The following PALM2AKAP2 variants were observed in gnomAD, a reference collection of about 807,000 sequenced individuals.
PALM2AKAP2 encodes PALM2-AKAP2 fusion protein.
Under a neutral mutation model 71.5 loss-of-function variants are expected in PALM2AKAP2, and 37 were observed. The ratio of observed to expected loss-of-function variants is 0.52; its 90% CI spans 0.40 to 0.68. The LOEUF (loss-of-function observed/expected upper bound fraction) is 0.68. PALM2AKAP2 is among the 30% of genes least tolerant of loss of function. The pLI is 0.00. For missense variants in PALM2AKAP2, 1,224 were observed against 1,191.8 expected, an observed-to-expected ratio of 1.03 and a Z score of -0.40; for synonymous variants, 468 against 478.8, an observed-to-expected ratio of 0.98 and a Z score of 0.29.
In PALM2AKAP2 at chr9:109,851,356, G is replaced by A. The variant is rs553863522; in HGVS notation, c.46-16135G>A. 5.3e-5 allele frequency among the ~76,000 whole-genome samples: 8 copies of A among 152,260 alleles called. No individual in the cohort carries two copies. The South Asian group carries it at 1.7e-3, about 32-fold the overall frequency. On this transcript the variant is annotated intron_variant, in intron 1 of 9. Coordinates refer to the PALM2AKAP2 transcript ENST00000302798. ...TGGTCTTCCAGGGTTGAGCACTGTG[G>A]GGAAAATTGAGGCCAAGATGTGGAG...
intron 6 of PALM2AKAP2, among the ~76,000 whole-genome samples, chr9:110,008,337 A>C (rs2132308493): frequency 6.6e-6 from 1 of 152,262 alleles, no homozygotes; most frequent in East Asian, 1.9e-4. Flanking sequence ...GTGGAAACAG[A>C]GAGTGGCCCA....
intron 1 of PALM2AKAP2, among the ~76,000 whole-genome samples, chr9:109,651,927 G>A (rs964751108): frequency 1.3e-5 from 2 of 152,098 alleles, no homozygotes; most frequent in South Asian, 2.1e-4. Context: ...ATTCCTGGTC[G>A]AAATTCTGTT....
At chr9:109,650,343 G>C (rs115159379) in intron 1 of PALM2AKAP2, among the ~76,000 whole-genome samples, 2,451 of 151,962 alleles carry the variant, frequency 0.016, 76 homozygotes, top group African/African-American at 0.051. Flanking sequence ...ACTCTGTTTG[G>C]CAGATAATTC....
At chr9:110,006,750 C>T (rs1832792698) in intron 6 of PALM2AKAP2, among the ~76,000 whole-genome samples, 1 of 152,096 alleles carries the variant, frequency 6.6e-6, no homozygotes, top group Non-Finnish European at 1.5e-5. Context: ...CCTGCCATTC[C>T]AATCTACATG....
chr9:109,787,093 T>G (rs76293096), intron 1 of PALM2AKAP2, among the ~76,000 whole-genome samples: 2,360 of 152,140 alleles, frequency 0.016, 64 homozygotes, highest in African/African-American at 0.054. Flanking sequence ...AGGGCTGTCA[T>G]TGTGGTGGGG....
intron 6 of PALM2AKAP2, among the ~76,000 whole-genome samples, chr9:110,002,041 C>T (rs1832691014): frequency 6.6e-6 from 1 of 152,198 alleles, no homozygotes; most frequent in South Asian, 2.1e-4. Context: ...GCCAGAACTT[C>T]CAACACTATG....
intron 1 of PALM2AKAP2, among the ~76,000 whole-genome samples, chr9:109,709,793 G>GT (rs769099516): frequency 2.0e-5 from 3 of 152,140 alleles, no homozygotes; most frequent in Non-Finnish European, 2.9e-5. Context: ...CACATCCACA[G>GT]TTAAAAAAAG....
chr9:110,097,908 C>A (rs374272073), intron 1 of PALM2AKAP2, among the ~76,000 whole-genome samples: 3 of 140,858 alleles, frequency 2.1e-5, no homozygotes, highest in Non-Finnish European at 4.5e-5. Flanking sequence ...TCTGCAATCC[C>A]GGCACCTCGG....
chr9:109,845,353 A>G lies in PALM2AKAP2; in HGVS notation c.46-22138A>G, dbSNP rs1326514765. 7.2e-5 allele frequency among the ~76,000 whole-genome samples: 11 copies of G among 152,334 alleles called. No individual in the cohort carries two copies. The East Asian group carries it at 2.1e-3, about 29-fold the overall frequency. ...TTAAGAGAGAGCAGTCACTCCGCCA[A>G]ATGGCTCTGAGGTGGCCACAAAGTG... On this transcript the variant is annotated intron_variant, in intron 1 of 9. Transcript: ENST00000302798.
intron 1 of PALM2AKAP2, among the ~76,000 whole-genome samples, chr9:109,758,230 T>C (rs1373031072): frequency 6.6e-6 from 1 of 152,186 alleles, no homozygotes; most frequent in Non-Finnish European, 1.5e-5. Flanking sequence ...AGAAGTTGTG[T>C]ACTATTGTAT....
At chr9:110,126,551 C>T (rs1835609232) in intron 1 of PALM2AKAP2, among the ~76,000 whole-genome samples, 1 of 152,138 alleles carries the variant, frequency 6.6e-6, no homozygotes, top group Non-Finnish European at 1.5e-5. Flanking sequence ...GAAGAGCCTC[C>T]GAGGGCTCCT....
intron 6 of PALM2AKAP2, among the ~76,000 whole-genome samples, chr9:110,014,333 G>A (rs1047389323): frequency 2.0e-5 from 3 of 152,028 alleles, no homozygotes; most frequent in Admixed American, 2.0e-4. Context: ...ATTAGGTTAT[G>A]AGCACTTATT....
chr9:110,063,814 A>G (rs2118513440), intron 1 of PALM2AKAP2, among the ~76,000 whole-genome samples: 3 of 152,280 alleles, frequency 2.0e-5, no homozygotes, highest in Admixed American at 2.0e-4. Context: ...TTTTAATTTA[A>G]TTACCTCTTT....
rs559402514 is a variant in PALM2AKAP2, at chr9:110,110,542, CTTTTTTTTTTTT to C, written c.157-25572_157-25561del. On this transcript the variant is annotated intron_variant, in intron 1 of 3. Coordinates refer to ENST00000374525, the Ensembl canonical transcript of PALM2AKAP2. ...TATGGTGCATTCATGTTTCTGAACT[CTTTTTTTTTTTT>C]TTTTTTTTTTTTGAGATGGAGTCTC... Among the ~76,000 whole-genome samples the C allele has an allele frequency of 3.5e-4, 33 of 95,364 alleles. No individual in the cohort carries two copies. In the East Asian group the frequency reaches 8.2e-3, roughly 24 times the overall value. The allele number at this position is 95,364 out of a possible 152,430, so 62.6% of individuals were successfully genotyped here.
At chr9:109,828,506 G>A (rs1828215466) in intron 1 of PALM2AKAP2, among the ~76,000 whole-genome samples, 1 of 152,198 alleles carries the variant, frequency 6.6e-6, no homozygotes, top group Admixed American at 6.5e-5. Flanking sequence ...ATGCAAACAA[G>A]TGGTCTGTTC....
chr9:109,768,818 G>A (rs551187861), intron 1 of PALM2AKAP2, among the ~76,000 whole-genome samples: 1 of 152,288 alleles, frequency 6.6e-6, no homozygotes, highest in South Asian at 2.1e-4. Flanking sequence ...CCATGTAAGT[G>A]TGTATTAAAT....
At chr9:110,141,165 C>G (rs1179856145) in intron 2 of PALM2AKAP2, among the ~76,000 whole-genome samples, 1 of 152,174 alleles carries the variant, frequency 6.6e-6, no homozygotes, top group African/African-American at 2.4e-5. Flanking sequence ...CCCACCAGGA[C>G]CGAGGTTGCC....
chr9:109,923,793 C>A, exon 4 of PALM2AKAP2: 1 of 1,606,278 alleles, frequency 6.2e-7, no homozygotes, highest in South Asian at 1.1e-5. Context: ...TGCCAAAGAG[C>A]AAATCATCCT....
chr9:109,702,214 C>G (rs973436593), intron 1 of PALM2AKAP2, among the ~76,000 whole-genome samples: 1 of 152,006 alleles, frequency 6.6e-6, no homozygotes, highest in Non-Finnish European at 1.5e-5. Flanking sequence ...CTAGAAATAC[C>G]ATTTGACCCA....
Sources: allele counts gnomAD v4.1 joint callset (sites outside exome capture counted in the v4.1 genomes callset), GRCh38; gene constraint gnomAD v4.1.1; transcripts MANE v1.5; gene names NCBI Gene and HGNC (gene_info 2026-07-23, HGNC 2026-07-21).